Variants in CAST observed in about 807,000 individuals in gnomAD.
CAST encodes the protein MIR583 host.
Under a neutral mutation model 119.6 loss-of-function variants are expected in CAST, and 76 were observed. The ratio of observed to expected loss-of-function variants is 0.64; its 90% CI spans 0.53 to 0.77. CAST has a LOEUF of 0.77. Among genes scored for constraint, CAST ranks in the 30% least tolerant of loss-of-function variants. The pLI is 0.00. For missense variants in CAST, 953 were observed against 946.5 expected (o/e 1.01, Z -0.09); for synonymous variants, 319 against 331.6 (o/e 0.96, Z 0.41).
chr5:96,740,560 C>G (rs1472629013), intron 12 of CAST, among the ~76,000 whole-genome samples, 185 bp from the exon 13 acceptor site: 1 of 152,096 alleles, frequency 6.6e-6, no homozygotes, highest in Non-Finnish European at 1.5e-5. Context: ...AATGACCTCA[C>G]CTTTACTTGA....
At chr5:96,063,780 T>A in the CAST span, among the ~76,000 whole-genome samples, 9,354 of 152,222 alleles carry the variant, frequency 0.061, 365 homozygotes, top group Middle Eastern at 0.13. Context: ...AATTTACAGA[T>A]GAGGAAATTG....
At chr5:96,771,766 A>C (rs1772435943) in intron 31 of CAST, 64 bp downstream of exon 31, 1 of 1,021,238 alleles carries the variant, frequency 9.8e-7, no homozygotes, top group Admixed American at 1.9e-5. Context: ...TGTGTTATAG[A>C]TGAGAGAAGT....
chr5:96,245,814 C>T, the CAST span, among the ~76,000 whole-genome samples: 19 of 152,068 alleles, frequency 1.2e-4, no homozygotes, highest in Non-Finnish European at 2.2e-4. Flanking sequence ...GGGGGACTTA[C>T]GGCAAATGTT....
At chr5:96,264,057 A>G in the CAST span, among the ~76,000 whole-genome samples, 1 of 152,322 alleles carries the variant, frequency 6.6e-6, no homozygotes, top group Middle Eastern at 3.4e-3. Flanking sequence ...ATCATGGGCC[A>G]CTTGCTCTTT....
chr5:96,158,360 T>G, the CAST span, among the ~76,000 whole-genome samples: 1 of 152,218 alleles, frequency 6.6e-6, no homozygotes, highest in South Asian at 2.1e-4. Context: ...CTTTGATTGC[T>G]TCTTTAGCCA....
chr5:96,760,168 A>AT (rs1435344565), intron 24 of CAST, among the ~76,000 whole-genome samples: 5 of 152,018 alleles, frequency 3.3e-5, no homozygotes, highest in Non-Finnish European at 7.4e-5. Flanking sequence ...TCTGACAAAT[A>AT]TAACGGTATC....
the CAST span, among the ~76,000 whole-genome samples, chr5:96,262,561 G>A: frequency 6.6e-6 from 1 of 152,056 alleles, no homozygotes; most frequent in Admixed American, 6.6e-5. Context: ...ACAGTGTCTT[G>A]CTCTGTCCTC....
At chr5:96,238,243 C>G in the CAST span, among the ~76,000 whole-genome samples, 215 of 151,978 alleles carry the variant, frequency 1.4e-3, 2 homozygotes, top group Admixed American at 4.0e-3. Flanking sequence ...TATATTTAGG[C>G]AATTTTATAT....
At chr5:96,452,640 T>TTAAAA in the CAST span, among the ~76,000 whole-genome samples, 2 of 90,140 alleles carry the variant, frequency 2.2e-5, no homozygotes, top group African/African-American at 1.0e-4. Context: ...TAAAGTATAA[T>TTAAAA]AAAAAAAAAA....
Position 96,596,548 on chromosome 5 carries a change from TA to T in CAST, c.60+66672del, listed in dbSNP as rs756922980. On this transcript the variant is annotated intron_variant, in intron 1 of 11. Coordinates refer to the CAST transcript ENST00000505143. ...AATTGTTTCAGCAAAAATAGGAAAC[TA>T]AAACCAGCAATAGGAAACATGGACT... is the stretch of plus-strand genomic sequence containing the variant. Among the ~76,000 whole-genome samples, 5 of 152,290 alleles carry T rather than the reference TA, an allele frequency of 3.3e-5. No individual in the cohort carries two copies. In the East Asian group the frequency reaches 9.6e-4, roughly 29 times the overall value.
chr5:96,006,490 G>A, the CAST span, among the ~76,000 whole-genome samples: 1 of 152,180 alleles, frequency 6.6e-6, no homozygotes, highest in Non-Finnish European at 1.5e-5. Flanking sequence ...GTTGTGTGCT[G>A]TGTCATCGAG....
chr5:96,177,328 T>C, the CAST span, among the ~76,000 whole-genome samples: 3 of 152,192 alleles, frequency 2.0e-5, no homozygotes, highest in Non-Finnish European at 4.4e-5. Flanking sequence ...CTTTTGATTA[T>C]ATGTTGAAAC....
chr5:96,734,088 T>G (rs1470258118), intron 9 of CAST, among the ~76,000 whole-genome samples: 1 of 151,964 alleles, frequency 6.6e-6, no homozygotes, highest in Non-Finnish European at 1.5e-5. Context: ...TTTGGAAGAG[T>G]AGATCCAAGT....
chr5:96,217,204 A>ATTTTTTTTTTT, the CAST span, among the ~76,000 whole-genome samples: 16,612 of 95,766 alleles, frequency 0.17, 2,221 homozygotes, highest in Admixed American at 0.25. Flanking sequence ...ATGCTAGCTA[A>ATTTTTTTTTTT]TTTTTTTTTT....
At chr5:96,721,341 A>G (rs1002194481) in intron 3 of CAST, among the ~76,000 whole-genome samples, 6 of 152,222 alleles carry the variant, frequency 3.9e-5, no homozygotes, top group African/African-American at 1.2e-4. Context: ...TTTAACTACA[A>G]GCATCAATGT....
At chr5:96,362,476 C>G in the CAST span, among the ~76,000 whole-genome samples, 1 of 152,164 alleles carries the variant, frequency 6.6e-6, no homozygotes, top group African/African-American at 2.4e-5. Flanking sequence ...CCTATTTCTC[C>G]ACATCCTCTC....
chr5:96,148,477 G>A, the CAST span, among the ~76,000 whole-genome samples: 1 of 152,096 alleles, frequency 6.6e-6, no homozygotes, highest in Non-Finnish European at 1.5e-5. Context: ...GTAGTTTCTA[G>A]GCAGGCAGTT....
chr5:96,460,776 T>G, the CAST span, among the ~76,000 whole-genome samples: 1 of 152,164 alleles, frequency 6.6e-6, no homozygotes, highest in African/African-American at 2.4e-5. Flanking sequence ...TTGTTTGAGG[T>G]GGACAGAAAT....
chr5:96,405,427 C>T, the CAST span, among the ~76,000 whole-genome samples: 1 of 152,124 alleles, frequency 6.6e-6, no homozygotes, highest in Non-Finnish European at 1.5e-5. Context: ...AGAAATGAAA[C>T]ACCTGCTTTA....
Sources: allele counts gnomAD v4.1 joint callset (sites outside exome capture counted in the v4.1 genomes callset), GRCh38; gene constraint gnomAD v4.1.1; transcripts MANE v1.5; gene names NCBI Gene and HGNC (gene_info 2026-07-23, HGNC 2026-07-21).